Variants in ACACA observed in about 807,000 individuals in gnomAD.
ACACA encodes the protein acetyl-CoA carboxylase alpha.
A neutral mutation model predicts 296.1 loss-of-function variants in ACACA; 103 were observed. The ratio of observed to expected loss-of-function variants is 0.35; its 90% CI spans 0.30 to 0.41. The LOEUF is 0.41. ACACA is among the 10% of genes least tolerant of loss of function. The probability of loss-of-function intolerance (pLI) is 1.00; values close to 1 mark genes in which losing one functional copy is unlikely to be tolerated. For missense variants in ACACA, 1,554 were observed against 2,989.7 expected (o/e 0.52, Z 11.20); for synonymous variants, 953 against 1,038.6 (o/e 0.92, Z 1.58).
At chr17:37,107,221 T>C (rs1456193771) in intron 52 of ACACA, among the ~76,000 whole-genome samples, 1 of 152,194 alleles carries the variant, frequency 6.6e-6, no homozygotes, top group East Asian at 1.9e-4. Flanking sequence ...TTCCTAGTCT[T>C]AACTTTCCAG....
intron 50 of ACACA, among the ~76,000 whole-genome samples, chr17:37,117,087 T>A (rs1166156030): frequency 1.3e-5 from 2 of 152,194 alleles, no homozygotes; most frequent in Admixed American, 1.3e-4. Flanking sequence ...GCCTAGGGCT[T>A]TTATTGTTAT....
intron 33 of ACACA, among the ~76,000 whole-genome samples, chr17:37,201,824 A>C (rs923681324): frequency 1.3e-5 from 2 of 152,184 alleles, no homozygotes; most frequent in Non-Finnish European, 2.9e-5. Flanking sequence ...TAAAATTTAA[A>C]TTGTCTTCCC....
rs1567897248 is a variant in ACACA, at chr17:37,259,538, AAG to A, written c.1330-10_1330-9del. 1 of 1,614,222 alleles carries A rather than the reference AAG, an allele frequency of 6.2e-7. No homozygotes were observed. The highest frequency in any genetic ancestry group is 8.5e-7 in the Non-Finnish European group (1 of 1,180,028). ...GGCAAGTTTCACCGCACACTCAAAG[AAG>A]AGAGATAAGCAAACATAAGTATCTC... On this transcript the variant is annotated splice_polypyrimidine_tract_variant and intron_variant, in intron 11 of 55. Transcript: ENST00000616317.
At chr17:37,217,109 A>G (rs1466809665) in intron 29 of ACACA, among the ~76,000 whole-genome samples, 1 of 151,776 alleles carries the variant, frequency 6.6e-6, no homozygotes, top group Non-Finnish European at 1.5e-5. Context: ...TAAAAAATCA[A>G]AATTAGTGGG....
At chr17:37,152,756 C>T (rs2076094410) in intron 43 of ACACA, among the ~76,000 whole-genome samples, 1 of 152,132 alleles carries the variant, frequency 6.6e-6, no homozygotes, top group Non-Finnish European at 1.5e-5. Context: ...TATTGTTCCA[C>T]GTGTACCCAG....
chr17:37,142,312 A>G (rs115121989), intron 45 of ACACA, among the ~76,000 whole-genome samples: 87 of 152,344 alleles, frequency 5.7e-4, no homozygotes, highest in African/African-American at 2.0e-3. Flanking sequence ...GATTGTTGGC[A>G]GGTCACTAAG....
At chr17:37,266,393 GAC>G (rs1265863631) in intron 10 of ACACA, among the ~76,000 whole-genome samples, 9 of 147,694 alleles carry the variant, frequency 6.1e-5, no homozygotes, top group African/African-American at 2.3e-4. Flanking sequence ...CAGCCTGGGC[GAC>G]AGAGTGAGAC....
rs1423444344 is a variant in ACACA at position 37,113,458 on chromosome 17, C to T, written c.6275-193G>A. 6.6e-6 allele frequency among the ~76,000 whole-genome samples: 1 copy of T among 152,218 alleles called. No individual in the cohort carries two copies. The highest frequency in any genetic ancestry group is 1.5e-5 in the Non-Finnish European group (1 of 68,048). ...CCAGAGGATCTTCAAAAGCACAAGA[C>T]AGCAACAGAGAGATGCACTGTCTTT... On this transcript the variant is annotated intron_variant, in intron 50 of 55. Coordinates refer to ENST00000616317, the MANE Select transcript of ACACA (RefSeq NM_198834.3). The surrounding 1 kb of genome is among the most constrained non-coding windows in gnomAD (Gnocchi z 4.0).
intron 5 of ACACA, among the ~76,000 whole-genome samples, chr17:37,281,164 G>A (rs942265282): frequency 2.7e-5 from 4 of 150,866 alleles, no homozygotes; most frequent in Admixed American, 2.0e-4. Flanking sequence ...GGGTTCATGC[G>A]ATTCTCCTGC....
intron 24 of ACACA, among the ~76,000 whole-genome samples, chr17:37,239,320 T>A (rs936993555): frequency 1.3e-5 from 2 of 152,222 alleles, no homozygotes; most frequent in African/African-American, 4.8e-5. Flanking sequence ...TAATGGCAGA[T>A]ATATTGCTTT....
intron 45 of ACACA, among the ~76,000 whole-genome samples, chr17:37,145,456 A>G (rs1003930174): frequency 1.5e-4 from 23 of 152,192 alleles, no homozygotes; most frequent in African/African-American, 5.3e-4. Context: ...GTGACATGAA[A>G]TAGCAAGCCC....
chr17:37,397,962 G>A (rs950379100), intron 1 of ACACA, among the ~76,000 whole-genome samples: 16 of 152,048 alleles, frequency 1.1e-4, no homozygotes, highest in African/African-American at 3.9e-4. Flanking sequence ...TGGGCGCGGT[G>A]ACTCACTCCT....
intron 1 of ACACA, chr17:37,376,295 TAAG>T: frequency 1.6e-6 from 1 of 642,604 alleles, no homozygotes; most frequent in South Asian, 2.0e-5. Context: ...CACTCGCCTC[TAAG>T]AAGGACTGCA....
At position 37,149,881 on chromosome 17, in the gene ACACA, C is replaced by T; in HGVS notation, c.5662G>A (p.Ala1888Thr). 1 of 1,614,166 alleles carries T rather than the reference C, an allele frequency of 6.2e-7. No individual in the cohort carries two copies. Among genetic ancestry groups the T allele is most frequent in the Non-Finnish European group, 8.5e-7 (1 of 1,179,994 alleles). The stretch of plus-strand genomic sequence containing the variant: ...AAACTTACTTTGTTGAGGGCTCCAG[C>T]TCCTGTTAGAATTAAGTGAGAATTC... ...VENSHLILTG[A>T]GALNKVLGRE... The change falls in exon 45 of 56, where the codon GCT becomes ACT. Residue 1888 changes from alanine (A) to threonine (T), a missense_variant. By Grantham distance (58) the Ala-to-Thr change is moderately conservative (BLOSUM62 0). Around this residue, in one of 16 missense-constraint regions of ACACA, gnomAD observed 553 missense variants for 1,043.6 expected, o/e 0.53. Transcript: ENST00000616317.
intron 1 of ACACA, among the ~76,000 whole-genome samples, chr17:37,390,144 A>G (rs1179591639): frequency 9.7e-5 from 2 of 20,714 alleles, no homozygotes; most frequent in Non-Finnish European, 1.3e-4. Flanking sequence ...AAAAAAGTAT[A>G]TATATATATA....
At chr17:37,089,400 G>A (rs1464921901) in intron 54 of ACACA, among the ~76,000 whole-genome samples, 2 of 152,220 alleles carry the variant, frequency 1.3e-5, no homozygotes, top group African/African-American at 2.4e-5. Flanking sequence ...TCAATAACCT[G>A]ACAGGTTTGA....
At chr17:37,205,909 G>C in intron 32 of ACACA, 37 bp from the exon 33 acceptor site, 1 of 1,474,808 alleles carries the variant, frequency 6.8e-7, no homozygotes, top group Non-Finnish European at 9.5e-7. Context: ...AAATTATGAG[G>C]CTGGCCAATA....
chr17:37,170,361 A>T (rs1012285188), intron 41 of ACACA, among the ~76,000 whole-genome samples: 5 of 152,014 alleles, frequency 3.3e-5, no homozygotes, highest in African/African-American at 1.2e-4. Context: ...GTCTTATTTA[A>T]CTGTTTTTAT....
chr17:37,394,455 C>T (rs1277807736), intron 1 of ACACA, among the ~76,000 whole-genome samples: 1 of 151,882 alleles, frequency 6.6e-6, no homozygotes, highest in Non-Finnish European at 1.5e-5. Context: ...AAGTGATCCA[C>T]CCGCGTCGGC....
Sources: gnomAD v4.1 joint callset for allele counts (sites outside exome capture counted in the v4.1 genomes callset) on GRCh38, gnomAD v4.1.1 for gene constraint, gnomAD v4.1.1 regional missense constraint, Gnocchi (gnomAD v3.1) non-coding constraint, MANE v1.5 for transcripts, NCBI Gene and HGNC (gene_info 2026-07-23, HGNC 2026-07-21) for gene names.